PPARA: variants seen among roughly 807,000 people sequenced by gnomAD.
PPARA encodes the protein peroxisome proliferator-activated receptor alpha.
A neutral mutation model predicts 42.2 loss-of-function variants in PPARA; 22 were observed. The ratio of observed to expected loss-of-function variants is 0.52; its 90% CI spans 0.37 to 0.74. The LOEUF (loss-of-function observed/expected upper bound fraction) is 0.74. Among genes scored for constraint, PPARA ranks in the 30% least tolerant of loss-of-function variants. The probability of loss-of-function intolerance (pLI) is 0.00; values close to 1 mark genes in which losing one functional copy is unlikely to be tolerated. For synonymous variants in PPARA, 242 were observed against 239.3 expected, an observed-to-expected ratio of 1.01 and a Z score of -0.10; for missense variants, 465 against 608.2, an observed-to-expected ratio of 0.76 and a Z score of 2.48.
At chr22:46,168,351 C>CA (rs35345592) in intron 2 of PPARA, among the ~76,000 whole-genome samples, 4,460 of 14,308 alleles carry the variant, frequency 0.31, 1,376 homozygotes, top group Non-Finnish European at 0.45. Context: ...GACTCCATCT[C>CA]AAAAAAAAAA....
At chr22:46,199,189 A>G (rs978920692) in intron 4 of PPARA, among the ~76,000 whole-genome samples, 2 of 152,158 alleles carry the variant, frequency 1.3e-5, no homozygotes, top group East Asian at 3.9e-4. Flanking sequence ...GGGGGCAGCT[A>G]GACATTTTTA....
In PPARA at chr22:46,231,953, C is replaced by G; in HGVS notation, c.873C>G (p.Ala291=). 1 of 1,614,214 alleles carries G rather than the reference C, an allele frequency of 6.2e-7. No individual in the cohort carries two copies. Among genetic ancestry groups the G allele is most frequent in the Non-Finnish European group, 8.5e-7 (1 of 1,180,048 alleles). Residue 291 remains alanine (A), a synonymous_variant, in exon 8 of 9, where the codon GCC becomes GCG. Transcript: ENST00000407236. The surrounding 1 kb of genome is among the most constrained non-coding windows in gnomAD (Gnocchi z 7.7). The stretch of plus-strand genomic sequence containing the variant: ...CCGTCACGGAGCTCACGGAATTCGC[C>G]AAGGCCATCCCAGGCTTCGCAAACT... ...VETVTELTEF[A]KAIPGFANLD...
chr22:46,207,677 A>ATTATTTTTTTTTT, intron 4 of PPARA, among the ~76,000 whole-genome samples: 1 of 50,724 alleles, frequency 2.0e-5, no homozygotes, highest in African/African-American at 8.4e-5. Context: ...TATTATTATT[A>ATTATTTTTTTTTT]TTTTTTTTTT....
In PPARA at chr22:46,195,060, G is replaced by A. The variant is rs1456903589; in HGVS notation, c.-42-3282G>A. Among the ~76,000 whole-genome samples, 4 of 147,666 alleles carry A rather than the reference G, an allele frequency of 2.7e-5. No homozygotes were observed. Among genetic ancestry groups the A allele is most frequent in the East Asian group, 2.0e-4 (1 of 4,964 alleles). On this transcript the variant is annotated intron_variant, in intron 3 of 8. Transcript: ENST00000407236. The surrounding 1 kb of genome is among the most constrained non-coding windows in gnomAD (Gnocchi z 4.6). ...TGGGATTACAGGCGCCTACCACCAC[G>A]CCCGGCTAATTTTTGTATTTTTAGT...
At position 46,187,474 on chromosome 22, in the gene PPARA, G is replaced by C. The variant is rs1930978469; in HGVS notation, c.-43+10638G>C. On this transcript the variant is annotated intron_variant, in intron 3 of 8. Transcript: ENST00000407236. This position sits in a 1 kb window ranked among gnomAD's most constrained non-coding sequence, Gnocchi z 4.9. ...CAGCTCTTTATCTCGCAGTCCTCCT[G>C]CCTCTTGTGTCATTACCCAGGGCTG... 6.6e-6 allele frequency among the ~76,000 whole-genome samples: 1 copy of C among 152,178 alleles called. No individual in the cohort carries two copies. Among genetic ancestry groups the C allele is most frequent in the East Asian group, 1.9e-4 (1 of 5,202 alleles).
intron 3 of PPARA, among the ~76,000 whole-genome samples, chr22:46,197,659 T>C (rs1932435510): frequency 6.6e-6 from 1 of 151,874 alleles, no homozygotes; most frequent in African/African-American, 2.4e-5. Context: ...CAAAGCACTT[T>C]AGAAGGCCGA....
At chr22:46,223,817 G>A (rs898065671) in intron 7 of PPARA, among the ~76,000 whole-genome samples, 6 of 151,378 alleles carry the variant, frequency 4.0e-5, no homozygotes, top group African/African-American at 1.2e-4. Flanking sequence ...GGGCATGGCA[G>A]TGTGCGCCTG....
intron 4 of PPARA, among the ~76,000 whole-genome samples, chr22:46,210,736 G>A (rs1406577481): frequency 2.6e-5 from 4 of 152,146 alleles, no homozygotes; most frequent in Non-Finnish European, 4.4e-5. Flanking sequence ...GAGCCACCGT[G>A]CCTGGCCAGT....
At position 46,241,591 on chromosome 22, in the gene PPARA, G is replaced by C. The variant is rs1269214554; in HGVS notation, c.*6211G>C. 1 of 152,184 alleles carries C rather than the reference G, an allele frequency of 6.6e-6. No homozygotes were observed. The highest frequency in any genetic ancestry group is 1.5e-5 in the Non-Finnish European group (1 of 68,038). The allele number at this position is 152,184 out of a possible 1,614,324, so 9.4% of individuals were successfully genotyped here. On this transcript the variant is annotated 3_prime_UTR_variant, in exon 9 of 9. Coordinates refer to ENST00000407236, the MANE Select transcript of PPARA (RefSeq NM_005036.6). The surrounding 1 kb of genome is among the most constrained non-coding windows in gnomAD (Gnocchi z 5.7). ...AAGGCTGCTGCCTGCTCCACCTTTT[G>C]CCAGCTCTGGACATCTGAGGACGTC... is the stretch of plus-strand genomic sequence containing the variant.
chr22:46,199,177 C>CG (rs950685215), intron 4 of PPARA, among the ~76,000 whole-genome samples: 1 of 152,022 alleles, frequency 6.6e-6, no homozygotes. Context: ...AGCAAGCCCG[C>CG]GGGGGGCAGC....
Position 46,171,351 on chromosome 22 carries a change from A to C in PPARA, c.-126-5402A>C, listed in dbSNP as rs1233405794. 1 of 152,274 alleles carries C rather than the reference A, an allele frequency of 6.6e-6. No homozygotes were observed. The highest frequency in any genetic ancestry group is 1.5e-5 in the Non-Finnish European group (1 of 68,122). 9.4% of individuals were successfully genotyped at this position (152,274 alleles called of 1,614,324 possible). Reference sequence around the variant, plus strand: ...TACCAGGCATTGTTCTAAGATACGTAAGTGAACAAAACCCATGACACCCTC... The same window carrying C: ...TACCAGGCATTGTTCTAAGATACGTCAGTGAACAAAACCCATGACACCCTC... On this transcript the variant is annotated intron_variant, in intron 2 of 8. Coordinates refer to ENST00000407236, the MANE Select transcript of PPARA (RefSeq NM_005036.6). The surrounding 1 kb of genome is among the most constrained non-coding windows in gnomAD (Gnocchi z 5.0).
intron 4 of PPARA, among the ~76,000 whole-genome samples, chr22:46,202,778 G>A (rs993737940): frequency 2.0e-5 from 3 of 150,682 alleles, no homozygotes; most frequent in African/African-American, 4.9e-5. Context: ...CAGGACAGTC[G>A]CTTGAATCCA....
intron 3 of PPARA, among the ~76,000 whole-genome samples, chr22:46,178,098 G>C (rs187755935): frequency 1.3e-3 from 202 of 152,186 alleles, no homozygotes; most frequent in Non-Finnish European, 2.4e-3. Flanking sequence ...TACCCAAAGA[G>C]GCATTTTAGG....
At chr22:46,174,627 G>A (rs1413742370) in intron 2 of PPARA, among the ~76,000 whole-genome samples, 1 of 151,752 alleles carries the variant, frequency 6.6e-6, no homozygotes. Context: ...GAACAGCCTG[G>A]GAAACATAGT....
rs135541 is a variant in PPARA, at chr22:46,160,467, G to T, written c.-127+8497G>T. Among the ~76,000 whole-genome samples, 53,099 of 151,694 alleles carry T rather than the reference G, an allele frequency of 0.35. 10,635 individuals carry two copies. Among genetic ancestry groups the T allele is most frequent in the African/African-American group, 0.55 (22,574 of 41,336 alleles). On this transcript the variant is annotated intron_variant, in intron 2 of 8. Transcript: ENST00000407236. The surrounding 1 kb of genome is among the most constrained non-coding windows in gnomAD (Gnocchi z 4.5). ...ACGCGCCACCATGCCTGGCTAAATT[G>T]TTGTATTTTTAGTAGAGATGGGGTT...
In PPARA at chr22:46,203,572, C is replaced by G. The variant is rs1240271357; in HGVS notation, c.208+4981C>G. Among the ~76,000 whole-genome samples the G allele has an allele frequency of 6.6e-6, 1 of 152,056 alleles. No homozygotes were observed. Among genetic ancestry groups the G allele is most frequent in the Non-Finnish European group, 1.5e-5 (1 of 68,010 alleles). ...TAAATCTGGGTTCTTGTGTCATGACCAGGAAAAATTAGGCACGTGGACACG... is the reference window on the plus strand; with the variant it reads ...TAAATCTGGGTTCTTGTGTCATGACGAGGAAAAATTAGGCACGTGGACACG... On this transcript the variant is annotated intron_variant, in intron 4 of 8. Coordinates refer to ENST00000407236, the MANE Select transcript of PPARA (RefSeq NM_005036.6). The surrounding 1 kb of genome is among the most constrained non-coding windows in gnomAD (Gnocchi z 5.8).
rs747561802 is a variant in PPARA at position 46,219,700 on chromosome 22, G to A, written c.509-112G>A. 3.9e-5 allele frequency: 41 copies of A among 1,052,400 alleles called. No homozygotes were observed. The South Asian group carries it at 4.6e-4, about 12-fold the overall frequency. The allele number at this position is 1,052,400 out of a possible 1,614,324, so 65.2% of individuals were successfully genotyped here. A position where few individuals can be genotyped will look rare whatever the true frequency, so the allele number is the denominator to read the frequency against. Reference sequence around the variant, plus strand: ...TAGTAATGAAGGATGGGTCTGAACTGCCTGTGAATTTTCATTCCTGGTTTA... The same window carrying A: ...TAGTAATGAAGGATGGGTCTGAACTACCTGTGAATTTTCATTCCTGGTTTA... On this transcript the variant is annotated intron_variant, in intron 6 of 8. Coordinates refer to ENST00000407236, the MANE Select transcript of PPARA (RefSeq NM_005036.6). This position sits in a 1 kb window ranked among gnomAD's most constrained non-coding sequence, Gnocchi z 4.8.
At position 46,225,942 on chromosome 22, in the gene PPARA, C is replaced by A. The variant is rs1416389343; in HGVS notation, c.712-5850C>A. Among the ~76,000 whole-genome samples the A allele has an allele frequency of 6.6e-6, 1 of 152,016 alleles. No homozygotes were observed. The highest frequency in any genetic ancestry group is 1.9e-4 in the East Asian group (1 of 5,190). On this transcript the variant is annotated intron_variant, in intron 7 of 8. Transcript: ENST00000407236. This position sits in a 1 kb window ranked among gnomAD's most constrained non-coding sequence, Gnocchi z 4.1. ...ACACACATGCATGCTCACACACATG[C>A]ACCCAGGCACACACAAATCCACATT...
In PPARA at chr22:46,187,065, T is replaced by C. The variant is rs1930919821; in HGVS notation, c.-43+10229T>C. Among the ~76,000 whole-genome samples the C allele has an allele frequency of 6.6e-6, 1 of 152,198 alleles. No homozygotes were observed. Among genetic ancestry groups the C allele is most frequent in the Non-Finnish European group, 1.5e-5 (1 of 68,028 alleles). ...GAAACCATGGATAAGGGATATCTACTGTATAAGGTGGAGTTTTCAAGGTCA... is the reference window on the plus strand; with the variant it reads ...GAAACCATGGATAAGGGATATCTACCGTATAAGGTGGAGTTTTCAAGGTCA... On this transcript the variant is annotated intron_variant, in intron 3 of 8. Transcript: ENST00000407236. This position sits in a 1 kb window ranked among gnomAD's most constrained non-coding sequence, Gnocchi z 4.9.
Sources: gnomAD v4.1 joint callset for allele counts (sites outside exome capture counted in the v4.1 genomes callset) on GRCh38, gnomAD v4.1.1 for gene constraint, Gnocchi (gnomAD v3.1) non-coding constraint, MANE v1.5 for transcripts, NCBI Gene and HGNC (gene_info 2026-07-23, HGNC 2026-07-21) for gene names.